The following FRMD4A variants were observed in gnomAD, a reference collection of about 807,000 sequenced individuals.
FRMD4A encodes the protein FERM domain containing 4A.
Under a neutral mutation model 129.1 loss-of-function variants are expected in FRMD4A, and 29 were observed. That is an observed-to-expected ratio of 0.22 (90% CI 0.17 to 0.31). FRMD4A has a LOEUF of 0.31. FRMD4A is among the 10% of genes least tolerant of loss of function. The probability of loss-of-function intolerance (pLI) is 1.00; values close to 1 mark genes in which losing one functional copy is unlikely to be tolerated. For missense variants in FRMD4A, 1,272 were observed against 1,375.8 expected, an observed-to-expected ratio of 0.92 and a Z score of 1.19; for synonymous variants, 634 against 571.6, an observed-to-expected ratio of 1.11 and a Z score of -1.56.
At chr10:14,017,305 G>T (rs115189451) in intron 2 of FRMD4A, among the ~76,000 whole-genome samples, 1 of 152,184 alleles carries the variant, frequency 6.6e-6, no homozygotes, top group Non-Finnish European at 1.5e-5. Context: ...GCTGTCAGTC[G>T]TGGATGGATT....
chr10:13,649,852 A>G (rs2081404398), intron 24 of FRMD4A, among the ~76,000 whole-genome samples: 1 of 152,214 alleles, frequency 6.6e-6, no homozygotes, highest in African/African-American at 2.4e-5. Flanking sequence ...TGGGGCCACT[A>G]AATAGTTGCC....
intron 2 of FRMD4A, among the ~76,000 whole-genome samples, chr10:14,238,839 C>T (rs1283513250): frequency 1.3e-5 from 2 of 152,144 alleles, no homozygotes; most frequent in Non-Finnish European, 2.9e-5. Flanking sequence ...CAACTTCATC[C>T]ATGTCCCTGC....
chr10:13,785,218 G>T (rs888030988), intron 5 of FRMD4A, among the ~76,000 whole-genome samples: 1 of 152,210 alleles, frequency 6.6e-6, no homozygotes, highest in South Asian at 2.1e-4. Flanking sequence ...TTTTGAAATT[G>T]GTGAGTGAAT....
chr10:14,123,958 A>G (rs1374217736), intron 2 of FRMD4A, among the ~76,000 whole-genome samples: 1 of 152,114 alleles, frequency 6.6e-6, no homozygotes, highest in African/African-American at 2.4e-5. Flanking sequence ...TGCTCCTCCA[A>G]TGTCCCTTAT....
At chr10:13,711,897 C>G (rs2088059384) in intron 12 of FRMD4A, 1 of 152,202 alleles carries the variant, frequency 6.6e-6, no homozygotes, top group Non-Finnish European at 1.5e-5. Context: ...ATTACTCTAA[C>G]CTCTAACTAT....
intron 2 of FRMD4A, among the ~76,000 whole-genome samples, chr10:14,308,644 C>T (rs1846433519): frequency 6.6e-6 from 1 of 152,256 alleles, no homozygotes; most frequent in Non-Finnish European, 1.5e-5. Context: ...AGTTTATTCT[C>T]CAGTTTAATG....
Position 13,805,637 on chromosome 10 carries a change from C to A in FRMD4A, c.206+5177G>T, listed in dbSNP as rs190208182. Among the ~76,000 whole-genome samples the A allele has an allele frequency of 2.1e-3, 327 of 152,224 alleles. 1 individual carries two copies. The highest frequency in any genetic ancestry group is 7.5e-3 in the African/African-American group (313 of 41,540). On this transcript the variant is annotated intron_variant, in intron 4 of 24. Coordinates refer to ENST00000357447, the MANE Select transcript of FRMD4A (RefSeq NM_018027.5). Reference sequence around the variant, plus strand: ...AGTTATAGGCTATAGCTTCTGATAACGGGATCTTCCATTCCCACCCCACCC... The same window carrying A: ...AGTTATAGGCTATAGCTTCTGATAAAGGGATCTTCCATTCCCACCCCACCC...
chr10:13,930,161 A>G (rs2095176703), intron 2 of FRMD4A, among the ~76,000 whole-genome samples: 1 of 152,186 alleles, frequency 6.6e-6, no homozygotes, highest in Admixed American at 6.5e-5. Flanking sequence ...CATGCAGAGA[A>G]CTATGTATTT....
intron 3 of FRMD4A, among the ~76,000 whole-genome samples, chr10:13,845,119 C>T (rs894849886): frequency 6.6e-6 from 1 of 152,170 alleles, no homozygotes; most frequent in Non-Finnish European, 1.5e-5. Flanking sequence ...CCATTGAAAT[C>T]ATGTTTTCTA....
chr10:13,885,018 C>T (rs576147924), intron 2 of FRMD4A, among the ~76,000 whole-genome samples: 2 of 152,282 alleles, frequency 1.3e-5, no homozygotes, highest in African/African-American at 4.8e-5. Flanking sequence ...AAGTTAGCAT[C>T]GTTGAGCCTT....
At chr10:13,953,023 T>A (rs1342369845) in intron 2 of FRMD4A, among the ~76,000 whole-genome samples, 1 of 152,104 alleles carries the variant, frequency 6.6e-6, no homozygotes, top group East Asian at 1.9e-4. Context: ...TAACGCTCAG[T>A]AGTTCTCTTC....
At chr10:14,317,337 T>C (rs1846778014) in intron 2 of FRMD4A, among the ~76,000 whole-genome samples, 1 of 152,192 alleles carries the variant, frequency 6.6e-6, no homozygotes, top group Admixed American at 6.5e-5. Flanking sequence ...TCCCATTGCA[T>C]TCATGTATGC....
At chr10:14,118,949 C>G (rs979266078) in intron 2 of FRMD4A, among the ~76,000 whole-genome samples, 2 of 152,148 alleles carry the variant, frequency 1.3e-5, no homozygotes, top group African/African-American at 2.4e-5. Flanking sequence ...AGTGACCTAC[C>G]TTTTAATGAA....
chr10:13,977,821 C>T (rs2095547299), intron 2 of FRMD4A, among the ~76,000 whole-genome samples: 1 of 152,172 alleles, frequency 6.6e-6, no homozygotes, highest in African/African-American at 2.4e-5. Context: ...TAGCATGTGC[C>T]AGTACATTTC....
At chr10:13,665,942 A>G (rs2082998158) in intron 18 of FRMD4A, among the ~76,000 whole-genome samples, 155 bp downstream of exon 18, 1 of 152,218 alleles carries the variant, frequency 6.6e-6, no homozygotes, top group Admixed American at 6.5e-5. Flanking sequence ...ATGTGGGATC[A>G]GGCCTTACTC....
At chr10:13,844,434 G>A (rs1002296356) in intron 3 of FRMD4A, among the ~76,000 whole-genome samples, 11 of 152,036 alleles carry the variant, frequency 7.2e-5, no homozygotes, top group African/African-American at 2.4e-4. Context: ...ATGGTCTACT[G>A]ATATTTTTTG....
intron 2 of FRMD4A, among the ~76,000 whole-genome samples, chr10:14,141,523 G>T (rs1432182425): frequency 6.6e-6 from 1 of 152,098 alleles, no homozygotes; most frequent in Admixed American, 6.5e-5. Context: ...GACACATCCT[G>T]AAACACACTG....
At chr10:13,828,609 T>G (rs2093740660) in intron 3 of FRMD4A, among the ~76,000 whole-genome samples, 1 of 151,534 alleles carries the variant, frequency 6.6e-6, no homozygotes, top group East Asian at 1.9e-4. Flanking sequence ...CTTGGCTCAC[T>G]GCAACCTCCG....
At chr10:13,992,690 G>A (rs1247367034) in intron 2 of FRMD4A, among the ~76,000 whole-genome samples, 1 of 151,842 alleles carries the variant, frequency 6.6e-6, no homozygotes, top group African/African-American at 2.4e-5. Flanking sequence ...ATGGTGGCTC[G>A]CACCTGTAAT....
Sources: allele counts gnomAD v4.1 joint callset (sites outside exome capture counted in the v4.1 genomes callset), GRCh38; gene constraint gnomAD v4.1.1; transcripts MANE v1.5; gene names NCBI Gene and HGNC (gene_info 2026-07-23, HGNC 2026-07-21).